MAP3K2: variants seen among roughly 807,000 people sequenced by gnomAD.
MAP3K2 encodes MAP/ERK kinase kinase 2.
MAP3K2 carries 24 observed loss-of-function variants against 80.3 expected under a neutral mutation model. The observed-to-expected ratio is 0.30, with a 90% CI of 0.22 to 0.42. The LOEUF is 0.42. Among genes scored for constraint, MAP3K2 ranks in the 10% least tolerant of loss-of-function variants. The pLI is 1.00. For missense variants in MAP3K2, 608 were observed against 750.1 expected (o/e 0.81, Z 2.21); for synonymous variants, 244 against 253.7 (o/e 0.96, Z 0.36).
chr2:127,302,347 T>A lies in MAP3K2; in HGVS notation c.*5232A>T, dbSNP rs1034999864. The A allele has an allele frequency of 6.6e-5, 10 of 152,104 alleles. No individual in the cohort carries two copies. Among genetic ancestry groups the A allele is most frequent in the African/African-American group, 2.4e-4 (10 of 41,424 alleles). The allele number at this position is 152,104 out of a possible 1,614,324, so 9.4% of individuals were successfully genotyped here. On this transcript the variant is annotated 3_prime_UTR_variant, in exon 17 of 17. Transcript: ENST00000682094. ...CTCACTGTATGTCATCAGTAGGTCA[T>A]ACATTTGAGTTGTTCTTCCAAAACC...
chr2:127,314,408 G>C (rs915873796), intron 15 of MAP3K2, among the ~76,000 whole-genome samples: 2 of 152,166 alleles, frequency 1.3e-5, no homozygotes. Flanking sequence ...AAGGCCACAC[G>C]GTGTGGATAA....
intron 13 of MAP3K2, 77 bp from the exon 14 acceptor site, chr2:127,317,837 G>A: frequency 1.5e-6 from 2 of 1,347,014 alleles, no homozygotes; most frequent in Non-Finnish European, 1.0e-6. Flanking sequence ...GGACCATCAA[G>A]GTGATTTCAT....
intron 1 of MAP3K2, among the ~76,000 whole-genome samples, chr2:127,357,873 A>G (rs1376585081): frequency 6.6e-6 from 1 of 152,222 alleles, no homozygotes; most frequent in East Asian, 1.9e-4. Flanking sequence ...GTAGAAAAAA[A>G]TTATGGTGAC....
At chr2:127,383,937 C>A (rs1164609351) in intron 1 of MAP3K2, among the ~76,000 whole-genome samples, 2 of 150,934 alleles carry the variant, frequency 1.3e-5, no homozygotes, top group Non-Finnish European at 2.9e-5. Context: ...GCAGTGGCGC[C>A]ATCTCTGCTC....
chr2:127,354,807 T>C (rs572391186), intron 1 of MAP3K2, among the ~76,000 whole-genome samples: 1 of 151,992 alleles, frequency 6.6e-6, no homozygotes, highest in East Asian at 1.9e-4. Context: ...AATGATAGAA[T>C]TAGTACAGTT....
intron 1 of MAP3K2, among the ~76,000 whole-genome samples, chr2:127,353,369 G>A (rs925373242): frequency 6.6e-6 from 1 of 151,372 alleles, no homozygotes; most frequent in Non-Finnish European, 1.5e-5. Context: ...TGCGAGGTGA[G>A]GAGCATCTCC....
rs201124006 is a variant in MAP3K2, at chr2:127,325,439, G to A, written c.677+289C>T. ...CATGTGTGTAATCCCAGCGCTTTAG[G>A]AGACCAAGGCAGGAGGTTCGCTTGA... On this transcript the variant is annotated intron_variant, in intron 9 of 16. Coordinates refer to ENST00000682094, the MANE Select transcript of MAP3K2 (RefSeq NM_001371910.2). Among the ~76,000 whole-genome samples, 7 of 152,294 alleles carry A rather than the reference G, an allele frequency of 4.6e-5. No individual in the cohort carries two copies. In the East Asian group the frequency reaches 1.4e-3, roughly 29 times the overall value.
chr2:127,373,754 ACT>A (rs1022352561), intron 1 of MAP3K2, among the ~76,000 whole-genome samples: 2 of 152,088 alleles, frequency 1.3e-5, no homozygotes, highest in African/African-American at 4.8e-5. Context: ...GGACTAAAAC[ACT>A]CTCTCTCTAT....
chr2:127,386,902 G>C (rs937137605), intron 1 of MAP3K2, among the ~76,000 whole-genome samples: 1 of 152,100 alleles, frequency 6.6e-6, no homozygotes, highest in Non-Finnish European at 1.5e-5. Context: ...TCATGACCTT[G>C]GACAAATGCC....
At chr2:127,309,911 C>A (rs962886183) in intron 15 of MAP3K2, among the ~76,000 whole-genome samples, 1 of 152,160 alleles carries the variant, frequency 6.6e-6, no homozygotes, top group Non-Finnish European at 1.5e-5. Flanking sequence ...CATTCTCCCC[C>A]ACCCTTTCCG....
At chr2:127,369,351 G>C (rs1453258677) in intron 1 of MAP3K2, among the ~76,000 whole-genome samples, 1 of 150,134 alleles carries the variant, frequency 6.7e-6, no homozygotes, top group Non-Finnish European at 1.5e-5. Context: ...GCAAATAATA[G>C]GCTGGGCGCG....
chr2:127,341,993 C>A (rs1239317879), intron 2 of MAP3K2, among the ~76,000 whole-genome samples: 1 of 151,976 alleles, frequency 6.6e-6, no homozygotes, highest in Non-Finnish European at 1.5e-5. Context: ...AGAACATCCT[C>A]AATCAAAAAT....
chr2:127,370,667 A>G (rs993093935), intron 1 of MAP3K2, among the ~76,000 whole-genome samples: 7 of 152,230 alleles, frequency 4.6e-5, no homozygotes, highest in African/African-American at 9.7e-5. Context: ...AAGAAGGTAC[A>G]CTAGCCATAG....
chr2:127,311,197 A>AAACAT (rs1685801292), intron 15 of MAP3K2, among the ~76,000 whole-genome samples: 1 of 152,242 alleles, frequency 6.6e-6, no homozygotes, highest in African/African-American at 2.4e-5. Flanking sequence ...CCTTAAGTGT[A>AAACAT]AACATGCCAT....
chr2:127,340,558 A>G (rs1412755308), intron 2 of MAP3K2, among the ~76,000 whole-genome samples: 2 of 151,970 alleles, frequency 1.3e-5, no homozygotes, highest in East Asian at 1.9e-4. Context: ...TTGGGAGGCT[A>G]AGGCAGGAGA....
intron 15 of MAP3K2, among the ~76,000 whole-genome samples, chr2:127,312,110 G>A (rs1265670608): frequency 6.6e-6 from 1 of 152,204 alleles, no homozygotes; most frequent in Non-Finnish European, 1.5e-5. Flanking sequence ...CTGTATTCTA[G>A]ACAGTCTCTA....
In MAP3K2 at chr2:127,364,021, C is replaced by A. The variant is rs1221555615; in HGVS notation, c.-65-20827G>T. Among the ~76,000 whole-genome samples, 2 of 152,152 alleles carry A rather than the reference C, an allele frequency of 1.3e-5. No individual in the cohort carries two copies. The highest frequency in any genetic ancestry group is 4.8e-5 in the African/African-American group (2 of 41,416). On this transcript the variant is annotated intron_variant, in intron 1 of 16. Transcript: ENST00000682094. The surrounding 1 kb of genome is among the most constrained non-coding windows in gnomAD (Gnocchi z 4.1). ...CTAACAGTACTTTGCACATAGCTAG[C>A]CTATTACCAAACATCTTAAATAAAT... is the stretch of plus-strand genomic sequence containing the variant.
intron 1 of MAP3K2, among the ~76,000 whole-genome samples, chr2:127,354,101 A>G (rs1370005674): frequency 1.3e-5 from 2 of 151,916 alleles, no homozygotes; most frequent in Non-Finnish European, 2.9e-5. Context: ...GGACACAAAC[A>G]CTGTGGAAGG....
chr2:127,341,588 A>G (rs1454904275), intron 2 of MAP3K2, among the ~76,000 whole-genome samples: 7 of 131,126 alleles, frequency 5.3e-5, no homozygotes, highest in African/African-American at 1.2e-4. Flanking sequence ...GCTGGAGTGC[A>G]GTGGCGTGAT....
Sources: allele counts gnomAD v4.1 joint callset (sites outside exome capture counted in the v4.1 genomes callset), GRCh38; gene constraint gnomAD v4.1.1; non-coding constraint Gnocchi (gnomAD v3.1); transcripts MANE v1.5; gene names NCBI Gene and HGNC (gene_info 2026-07-23, HGNC 2026-07-21).